Variants in CTDP1 observed in about 807,000 individuals in gnomAD.
CTDP1 encodes CTD phosphatase 1.
In CTDP1, 47 loss-of-function variants were observed where a neutral mutation model predicts 91.8. The ratio of observed to expected loss-of-function variants is 0.51; its 90% CI spans 0.41 to 0.65. The LOEUF (loss-of-function observed/expected upper bound fraction) is 0.65, where lower values mean the gene tolerates loss of function less well. Ranked by LOEUF, CTDP1 falls within the 30% of genes least tolerant of loss-of-function variation. CTDP1 has a pLI of 0.00. For missense variants in CTDP1, 1,272 were observed against 1,373.7 expected (o/e 0.93, Z 1.17); for synonymous variants, 656 against 598.5 (o/e 1.10, Z -1.40).
At chr18:79,726,927 G>A (rs2086458816) in intron 10 of CTDP1, among the ~76,000 whole-genome samples, 1 of 146,500 alleles carries the variant, frequency 6.8e-6, no homozygotes, top group African/African-American at 2.5e-5. Context: ...GCCGTTGCTG[G>A]TGGACGTCTG....
At chr18:79,733,443 G>A (rs1298108524) in intron 11 of CTDP1, among the ~76,000 whole-genome samples, 1 of 152,204 alleles carries the variant, frequency 6.6e-6, no homozygotes, top group Non-Finnish European at 1.5e-5. Context: ...ACTGAGGGTT[G>A]AGGTGGGGCC....
intron 1 of CTDP1, among the ~76,000 whole-genome samples, chr18:79,686,482 T>C (rs766817748): frequency 1.2e-4 from 18 of 152,254 alleles, no homozygotes; most frequent in Non-Finnish European, 2.5e-4. Context: ...AAAGGATAAA[T>C]GCACATTTTA....
At position 79,680,160 on chromosome 18, in the gene CTDP1, G is replaced by A; in HGVS notation, c.213G>A (p.Gly71=). 7.2e-7 allele frequency: 1 copy of A among 1,395,394 alleles called. No homozygotes were observed. Among genetic ancestry groups the A allele is most frequent in the Admixed American group, 3.2e-5 (1 of 31,352 alleles). 86.4% of individuals were successfully genotyped at this position (1,395,394 alleles called of 1,614,324 possible). The stretch of plus-strand genomic sequence containing the variant: ...CCTCTCAGTCCCGTGTAGCCTCCGG[G>A]GGCTGCGTGCGCCCCGCGCGGCCGG... ...SGASQSRVAS[G]GCVRPARPER... The change falls in exon 1 of 13, where the codon GGG becomes GGA. Residue 71 remains glycine (G), a synonymous_variant. Coordinates refer to ENST00000613122, the MANE Select transcript of CTDP1 (RefSeq NM_004715.5).
chr18:79,701,658 A>G (rs1599225906), intron 4 of CTDP1, among the ~76,000 whole-genome samples: 1 of 152,376 alleles, frequency 6.6e-6, no homozygotes, highest in East Asian at 1.9e-4. Context: ...CCTTCTGGAA[A>G]GGATTCACCA....
At chr18:79,750,745 C>G (rs897650722) in intron 12 of CTDP1, among the ~76,000 whole-genome samples, 5 of 149,772 alleles carry the variant, frequency 3.3e-5, no homozygotes, top group African/African-American at 9.9e-5. Context: ...AACTCCTGAC[C>G]TCAGGTGATC....
At chr18:79,680,521 C>G (rs1033703925) in intron 1 of CTDP1, among the ~76,000 whole-genome samples, 5 of 152,246 alleles carry the variant, frequency 3.3e-5, no homozygotes, top group South Asian at 2.1e-4. Flanking sequence ...ATGTTTGTTT[C>G]TTTCTTTCTG....
At chr18:79,706,404 A>G (rs1444007731) in intron 5 of CTDP1, among the ~76,000 whole-genome samples, 6 of 152,186 alleles carry the variant, frequency 3.9e-5, no homozygotes, top group African/African-American at 1.4e-4. Context: ...AGGACAACCC[A>G]TAAGTCACAC....
chr18:79,691,020 C>T (rs574060830), intron 1 of CTDP1, among the ~76,000 whole-genome samples: 6 of 152,328 alleles, frequency 3.9e-5, no homozygotes, highest in South Asian at 2.1e-4. Flanking sequence ...TCTCTGCCAC[C>T]GGGACCTTGC....
chr18:79,689,521 C>T (rs1363727007), intron 1 of CTDP1, among the ~76,000 whole-genome samples: 4 of 152,164 alleles, frequency 2.6e-5, no homozygotes, highest in African/African-American at 9.7e-5. Context: ...CGTAGTGGCT[C>T]ACGCCTGTAA....
chr18:79,683,434 G>T (rs1026522301), intron 1 of CTDP1, among the ~76,000 whole-genome samples: 34 of 152,232 alleles, frequency 2.2e-4, no homozygotes, highest in African/African-American at 7.5e-4. Flanking sequence ...CCTGGCTTCA[G>T]CTCATCTGCG....
intron 12 of CTDP1, among the ~76,000 whole-genome samples, chr18:79,738,774 G>C (rs1033155375): frequency 1.3e-5 from 2 of 152,250 alleles, no homozygotes; most frequent in Admixed American, 1.3e-4. Flanking sequence ...CTGTGGTTTA[G>C]CAGGGAAATG....
rs376904820 is a variant in CTDP1 at position 79,753,778 on chromosome 18, C to A, written c.2874C>A (p.Asn958Lys). The change falls in exon 13 of 13, where the codon AAC (asparagine) becomes AAA (lysine). Residue 958 changes from asparagine to lysine, a missense_variant. Coordinates refer to ENST00000613122, the MANE Select transcript of CTDP1 (RefSeq NM_004715.5). ...CCAAGGCGCTGGAGGCGGAGCTCAA[C>A]GACCTCATGTGAGCGCGGGCAGCGG... ...EMAKALEAEL[N>K]DLM is the part of the protein sequence containing the mutation. 1 of 1,613,518 alleles carries A rather than the reference C, an allele frequency of 6.2e-7. No individual in the cohort carries two copies. Among genetic ancestry groups the A allele is most frequent in the Admixed American group, 1.7e-5 (1 of 60,008 alleles).
Position 79,680,083 on chromosome 18 carries a change from G to A in CTDP1, c.136G>A (p.Gly46Ser). Residue 46 changes from glycine to serine, a missense_variant, in exon 1 of 13, where the codon GGC becomes AGC. Physicochemically the swap from Gly to Ser is moderately conservative, Grantham distance 56. This residue lies in a region of CTDP1 where 214 missense variants were observed against 179.1 expected (regional missense o/e 1.19). Transcript: ENST00000613122. ...GGCGGCGGGCGCGGCCGTGCGCATCGGCTCGGTGCTGGCCGTGTTCGAGGC... is the reference window on the plus strand; with the variant it reads ...GGCGGCGGGCGCGGCCGTGCGCATCAGCTCGGTGCTGGCCGTGTTCGAGGC... ...RVAAGAAVRI[G>S]SVLAVFEAAA... 1.5e-6 allele frequency: 2 copies of A among 1,291,246 alleles called. No individual in the cohort carries two copies. Among genetic ancestry groups the A allele is most frequent in the Non-Finnish European group, 2.0e-6 (2 of 1,021,074 alleles). The allele number at this position is 1,291,246 out of a possible 1,614,324, so 80.0% of individuals were successfully genotyped here.
intron 12 of CTDP1, among the ~76,000 whole-genome samples, chr18:79,739,100 A>T (rs1378707040): frequency 2.6e-5 from 4 of 152,206 alleles, no homozygotes; most frequent in Non-Finnish European, 5.9e-5. Context: ...GGCTGAGCTG[A>T]GCCAGCTCCA....
At chr18:79,688,171 C>T (rs542675816) in intron 1 of CTDP1, among the ~76,000 whole-genome samples, 3 of 152,392 alleles carry the variant, frequency 2.0e-5, no homozygotes, top group East Asian at 1.9e-4. Context: ...GCGTCAGCCA[C>T]AGCTGACGAC....
rs1568213065 is a variant in CTDP1, at chr18:79,736,319, A to G, written c.2581-36A>G. 3.2e-6 allele frequency: 5 copies of G among 1,548,476 alleles called. No individual in the cohort carries two copies. In the South Asian group the frequency reaches 3.6e-5, roughly 11 times the overall value. On this transcript the variant is annotated intron_variant, in intron 11 of 12. Transcript: ENST00000613122. ...CTGTTGCGGAGGAACGGGGCCCGGG[A>G]AGGAGGTCTGTCGCTGACTCTTGGC...
In CTDP1 at chr18:79,715,308, C is replaced by T. The variant is rs566825980; in HGVS notation, c.1848C>T (p.Ile616=). 7.5e-6 allele frequency: 12 copies of T among 1,609,266 alleles called. No individual in the cohort carries two copies. In the South Asian group the frequency reaches 8.9e-5, roughly 12 times the overall value. The change falls in exon 8 of 13, where the codon ATC becomes ATT. Residue 616 remains isoleucine (I), a synonymous_variant. Coordinates refer to ENST00000613122, the MANE Select transcript of CTDP1 (RefSeq NM_004715.5). The stretch of plus-strand genomic sequence containing the variant: ...ATGACCGCTACCTCAACAAGGAGAT[C>T]GAGGAGGCGCCGGACATCCGCAAGA... ...AKYDRYLNKE[I]EEAPDIRKIV... is the part of the protein sequence containing the mutation.
rs561870206 is a variant in CTDP1 at position 79,720,915 on chromosome 18, G to A, written c.2417+2899G>A. On this transcript the variant is annotated intron_variant, in intron 10 of 12. Transcript: ENST00000613122. ...CCCACACACAGACTTGTGCAGTTTT[G>A]ATAATCTGCTGAATCGGCTCACAAA... Among the ~76,000 whole-genome samples the A allele has an allele frequency of 1.1e-3, 162 of 152,262 alleles. 1 individual carries two copies. The highest frequency in any genetic ancestry group is 1.9e-3 in the Non-Finnish European group (128 of 68,006).
At chr18:79,741,435 A>G (rs2086776071) in intron 12 of CTDP1, among the ~76,000 whole-genome samples, 1 of 152,226 alleles carries the variant, frequency 6.6e-6, no homozygotes, top group Non-Finnish European at 1.5e-5. Context: ...CAAGAAACAT[A>G]GCACAGCATG....
Sources: allele counts gnomAD v4.1 joint callset (sites outside exome capture counted in the v4.1 genomes callset), GRCh38; gene constraint gnomAD v4.1.1; regional missense constraint gnomAD v4.1.1; transcripts MANE v1.5; gene names NCBI Gene and HGNC (gene_info 2026-07-23, HGNC 2026-07-21).